The following GRID1 variants were observed in gnomAD, a reference collection of about 807,000 sequenced individuals.
The protein encoded by GRID1 is glutamate receptor ionotropic, delta-1.
A neutral mutation model predicts 98.0 loss-of-function variants in GRID1; 28 were observed. The ratio of observed to expected loss-of-function variants is 0.29; its 90% confidence interval spans 0.21 to 0.39. The LOEUF is 0.39. Among genes scored for constraint, GRID1 ranks in the 10% least tolerant of loss-of-function variants. GRID1 has a pLI of 1.00. For synonymous variants in GRID1, 553 were observed against 538.5 expected, an observed-to-expected ratio of 1.03 and a Z score of -0.37; for missense variants, 1,111 against 1,340.5, an observed-to-expected ratio of 0.83 and a Z score of 2.67.
chr10:86,340,864 G>T (rs1013904914), intron 2 of GRID1, among the ~76,000 whole-genome samples: 5 of 152,094 alleles, frequency 3.3e-5, no homozygotes, highest in Admixed American at 3.3e-4. Context: ...GGTGTCAAGG[G>T]AGGAAGAGAA....
At position 85,854,625 on chromosome 10, in the gene GRID1, A is replaced by G. The variant is rs1843091037; in HGVS notation, c.1114-10T>C. Reference sequence around the variant, plus strand: ...GGCCAGTGATGTGGCCCTGCAGAAGAGGAGAAAAACCCATTGGAAAATCTG... The same window carrying G: ...GGCCAGTGATGTGGCCCTGCAGAAGGGGAGAAAAACCCATTGGAAAATCTG... On this transcript the variant is annotated splice_polypyrimidine_tract_variant and intron_variant, in intron 7 of 15. Coordinates refer to ENST00000327946, the MANE Select transcript of GRID1 (RefSeq NM_017551.3). 1 of 1,613,986 alleles carries G rather than the reference A, an allele frequency of 6.2e-7. No homozygotes were observed. Among genetic ancestry groups the G allele is most frequent in the African/African-American group, 1.3e-5 (1 of 75,040 alleles).
intron 2 of GRID1, among the ~76,000 whole-genome samples, chr10:86,208,197 C>T (rs890419594): frequency 4.6e-5 from 7 of 152,166 alleles, no homozygotes; most frequent in African/African-American, 1.2e-4. Context: ...CATGCAAGGG[C>T]GCTCGCCTTG....
chr10:85,735,695 G>C (rs985925054), intron 8 of GRID1, among the ~76,000 whole-genome samples: 24 of 152,098 alleles, frequency 1.6e-4, no homozygotes, highest in African/African-American at 5.6e-4. Flanking sequence ...AGGAAGAATA[G>C]AAACGGGTGG....
intron 4 of GRID1, among the ~76,000 whole-genome samples, chr10:85,960,072 A>G (rs1331864127): frequency 6.6e-6 from 1 of 151,972 alleles, no homozygotes; most frequent in African/African-American, 2.4e-5. Flanking sequence ...TGGTAGAGAC[A>G]GGGTTTCACC....
intron 12 of GRID1, among the ~76,000 whole-genome samples, chr10:85,681,459 T>C (rs1166537103): frequency 6.6e-6 from 1 of 152,170 alleles, no homozygotes; most frequent in Non-Finnish European, 1.5e-5. Context: ...AGTTTATTAA[T>C]TCTCAAGGCT....
chr10:86,339,575 C>T (rs939722969), intron 2 of GRID1, among the ~76,000 whole-genome samples: 2 of 152,246 alleles, frequency 1.3e-5, no homozygotes, highest in East Asian at 1.9e-4. Context: ...AACCTAGAGC[C>T]GGCCCTCAGG....
intron 8 of GRID1, among the ~76,000 whole-genome samples, chr10:85,804,863 C>A (rs1842608485): frequency 6.6e-6 from 1 of 151,612 alleles, no homozygotes; most frequent in South Asian, 2.1e-4. Flanking sequence ...ATAATAAAAC[C>A]TGAATACTTT....
At position 86,192,152 on chromosome 10, in the gene GRID1, C is replaced by T. The variant is rs1723198661; in HGVS notation, c.520+14212G>A. Reference sequence around the variant, plus strand: ...CAAAAATGCCCACCACACACAAACACATACAATCCCATTGCAGCAACACAC... The same window carrying T: ...CAAAAATGCCCACCACACACAAACATATACAATCCCATTGCAGCAACACAC... On this transcript the variant is annotated intron_variant, in intron 3 of 15. Transcript: ENST00000327946. This position sits in a 1 kb window ranked among gnomAD's most constrained non-coding sequence, Gnocchi z 4.8. Among the ~76,000 whole-genome samples the T allele has an allele frequency of 6.6e-6, 1 of 152,112 alleles. No homozygotes were observed. Among genetic ancestry groups the T allele is most frequent in the Admixed American group, 6.5e-5 (1 of 15,274 alleles).
At chr10:86,245,625 C>T (rs1287897348) in intron 2 of GRID1, among the ~76,000 whole-genome samples, 3 of 152,350 alleles carry the variant, frequency 2.0e-5, no homozygotes, top group East Asian at 3.9e-4. Context: ...GAAGGCCCCA[C>T]CCAAAGGAAC....
At chr10:86,171,316 G>A (rs569234442) in intron 3 of GRID1, among the ~76,000 whole-genome samples, 4 of 152,350 alleles carry the variant, frequency 2.6e-5, no homozygotes, top group South Asian at 4.1e-4. Flanking sequence ...GATTTGGTAT[G>A]CAAGCCTGAA....
intron 2 of GRID1, among the ~76,000 whole-genome samples, chr10:86,257,775 T>C (rs1446848412): frequency 1.3e-5 from 2 of 152,118 alleles, no homozygotes; most frequent in Admixed American, 6.5e-5. Context: ...AGAGAGGGCC[T>C]GGGAGAAGGC....
chr10:86,129,714 G>A (rs1418232576), intron 4 of GRID1, among the ~76,000 whole-genome samples: 1 of 152,172 alleles, frequency 6.6e-6, no homozygotes, highest in Non-Finnish European at 1.5e-5. Flanking sequence ...TTCCACCCAG[G>A]AAGCTCATCT....
chr10:85,938,394 CTTATA>C (rs1200032821), intron 4 of GRID1, among the ~76,000 whole-genome samples: 2 of 152,140 alleles, frequency 1.3e-5, no homozygotes, highest in Non-Finnish European at 2.9e-5. Context: ...AATTTTTCAT[CTTATA>C]TATTTCAAAA....
At chr10:85,718,233 C>T (rs1841661885) in intron 12 of GRID1, among the ~76,000 whole-genome samples, 1 of 152,208 alleles carries the variant, frequency 6.6e-6, no homozygotes, top group African/African-American at 2.4e-5. Context: ...TCCGCATTGC[C>T]CTAGCAGAGG....
chr10:86,239,968 G>C (rs1846601468), intron 2 of GRID1, among the ~76,000 whole-genome samples: 2 of 152,156 alleles, frequency 1.3e-5, no homozygotes, highest in Admixed American at 1.3e-4. Context: ...CTCATAAGAA[G>C]AGGAGATGAG....
chr10:85,956,797 C>T (rs1279615850), intron 4 of GRID1, among the ~76,000 whole-genome samples: 2 of 152,170 alleles, frequency 1.3e-5, no homozygotes, highest in Non-Finnish European at 2.9e-5. Context: ...CTCTTTAGTG[C>T]AAGCAACAGA....
At chr10:86,011,450 G>A (rs7917702) in intron 4 of GRID1, among the ~76,000 whole-genome samples, 10,063 of 152,050 alleles carry the variant, frequency 0.066, 416 homozygotes, top group East Asian at 0.19. Context: ...AGTAATGCTC[G>A]ACTCCCAAAG....
Position 85,885,070 on chromosome 10 carries a change from A to C in GRID1, c.781-15890T>G, listed in dbSNP as rs533105242. Among the ~76,000 whole-genome samples, 4 of 152,260 alleles carry C rather than the reference A, an allele frequency of 2.6e-5. No individual in the cohort carries two copies. In the South Asian group the frequency reaches 6.2e-4, roughly 24 times the overall value. ...GCTTCATGCACTACATAATAAAAAG[A>C]ATCGCTGTCTCTAATTCTCTACTGA... On this transcript the variant is annotated intron_variant, in intron 5 of 15. Coordinates refer to ENST00000327946, the MANE Select transcript of GRID1 (RefSeq NM_017551.3).
At chr10:86,332,597 A>T (rs1047243537) in intron 2 of GRID1, among the ~76,000 whole-genome samples, 9 of 152,022 alleles carry the variant, frequency 5.9e-5, no homozygotes, top group Non-Finnish European at 7.4e-5. Context: ...GCTCCCTGGA[A>T]TTGACACTGT....
Sources: gnomAD v4.1 joint callset for allele counts (sites outside exome capture counted in the v4.1 genomes callset) on GRCh38, gnomAD v4.1.1 for gene constraint, Gnocchi (gnomAD v3.1) non-coding constraint, MANE v1.5 for transcripts, NCBI Gene and HGNC (gene_info 2026-07-23, HGNC 2026-07-21) for gene names.